The following ZMYM1 variants were observed in gnomAD, a reference collection of about 807,000 sequenced individuals.
ZMYM1 encodes the protein zinc finger MYM-type protein 1.
A neutral mutation model predicts 60.0 loss-of-function variants in ZMYM1; 39 were observed. The ratio of observed to expected loss-of-function variants is 0.65; its 90% CI spans 0.50 to 0.85. The LOEUF (loss-of-function observed/expected upper bound fraction) is 0.85. Ranked by LOEUF, ZMYM1 falls within the 40% of genes least tolerant of loss-of-function variation. The pLI, the probability that ZMYM1 is intolerant of heterozygous loss-of-function variation, is 0.00. For synonymous variants in ZMYM1, 413 were observed against 454.0 expected (o/e 0.91, Z 1.15); for missense variants, 1,171 against 1,309.5 (o/e 0.89, Z 1.63).
intron 1 of ZMYM1, among the ~76,000 whole-genome samples, chr1:35,063,869 G>A (rs1641919894): frequency 6.6e-6 from 1 of 152,164 alleles, no homozygotes. Flanking sequence ...CTTCCACTGT[G>A]AGAGGTGGCA....
At chr1:35,078,601 T>G (rs188798417), upstream of ZMYM1, among the ~76,000 whole-genome samples, 1 of 140,226 alleles carries the variant, frequency 7.1e-6, no homozygotes, top group Admixed American at 8.1e-5. Flanking sequence ...CAGGCTGAAG[T>G]GCAGTGGTAC....
intron 4 of ZMYM1, chr1:35,097,768 C>A: frequency 3.5e-6 from 2 of 577,048 alleles, no homozygotes; most frequent in Non-Finnish European, 6.0e-6. Flanking sequence ...CCTCAGCCTC[C>A]CAAGTAGCTG....
At chr1:35,097,113 C>T (rs1032639305) in intron 3 of ZMYM1, among the ~76,000 whole-genome samples, 1 of 152,012 alleles carries the variant, frequency 6.6e-6, no homozygotes, top group Non-Finnish European at 1.5e-5. Flanking sequence ...CGTGAGCCAC[C>T]GCACCAGGTG....
In ZMYM1 at chr1:35,068,610, T is replaced by C. The variant is rs564761907; in HGVS notation, c.-301+8685T>C. The stretch of plus-strand genomic sequence containing the variant: ...AAGAGACAGCAGACTTTTCAACATA[T>C]GGTGTTGGAACAACTGGAAATCCAT... On this transcript the variant is annotated intron_variant, in intron 1 of 10. Transcript: ENST00000417119. 2.7e-3 allele frequency among the ~76,000 whole-genome samples: 404 copies of C among 148,882 alleles called. 2 individuals are homozygous for C. The highest frequency in any genetic ancestry group is 9.5e-3 in the African/African-American group (386 of 40,490).
chr1:35,109,392 G>A (rs191366945), intron 6 of ZMYM1, among the ~76,000 whole-genome samples: 14 of 152,236 alleles, frequency 9.2e-5, no homozygotes, highest in Non-Finnish European at 1.8e-4. Context: ...TAGGTGGTGA[G>A]CATAATCTTT....
chr1:35,073,427 T>C (rs1358360297), intron 1 of ZMYM1, among the ~76,000 whole-genome samples: 1 of 142,390 alleles, frequency 7.0e-6, no homozygotes, highest in East Asian at 2.2e-4. Context: ...GCCAGGTATG[T>C]TGACACATGC....
At position 35,104,439 on chromosome 1, in the gene ZMYM1, C is replaced by G. The variant is rs546538808; in HGVS notation, c.564C>G (p.Thr188=). Residue 188 remains threonine (T), a synonymous_variant, in exon 5 of 10, where the codon ACC becomes ACG. Transcript: ENST00000359858. ...FVTICTNSIL[T]KCSMCQKTAI... ...CCATATGTACTAATAGCATTTTGACCAAGTGCAGCATGTGCCAGAAGACTG... is the reference window on the plus strand; with the variant it reads ...CCATATGTACTAATAGCATTTTGACGAAGTGCAGCATGTGCCAGAAGACTG... 2 of 1,610,858 alleles carry G rather than the reference C, an allele frequency of 1.2e-6. No individual in the cohort carries two copies. The highest frequency in any genetic ancestry group is 3.4e-5 in the Admixed American group (2 of 59,438).
chr1:35,097,230 T>TA lies in ZMYM1; in HGVS notation c.170-80dup, dbSNP rs921030051. On this transcript the variant is annotated intron_variant, in intron 3 of 9. Coordinates refer to ENST00000359858, the MANE Select transcript of ZMYM1 (RefSeq NM_024772.5). ...GGGCAACAGAACAAGACCCTGTCTCTAAAAAAAGAAAGAAAGAAAATAAAG... is the reference window on the plus strand; with the variant it reads ...GGGCAACAGAACAAGACCCTGTCTCTAAAAAAAAGAAAGAAAGAAAATAAAG... The TA allele has an allele frequency of 5.3e-5, 78 of 1,458,824 alleles. No homozygotes were observed. In the African/African-American group the frequency reaches 8.5e-4, roughly 16 times the overall value. The allele number at this position is 1,458,824 out of a possible 1,614,324, so 90.4% of individuals were successfully genotyped here.
chr1:35,109,273 C>T (rs1644005153), intron 6 of ZMYM1, among the ~76,000 whole-genome samples: 1 of 152,098 alleles, frequency 6.6e-6, no homozygotes, highest in East Asian at 1.9e-4. Context: ...TTCAAGTGAT[C>T]CCCCCGCCTC....
chr1:35,062,759 G>A (rs1009133223), intron 1 of ZMYM1, among the ~76,000 whole-genome samples: 1 of 152,200 alleles, frequency 6.6e-6, no homozygotes, highest in Non-Finnish European at 1.5e-5. Context: ...CTTACAAAAC[G>A]ATGAGAAGCT....
intron 4 of ZMYM1, among the ~76,000 whole-genome samples, chr1:35,100,035 C>T (rs575780767): frequency 6.6e-6 from 1 of 152,120 alleles, no homozygotes; most frequent in Non-Finnish European, 1.5e-5. Flanking sequence ...GGATTACAGG[C>T]GTGTGCCACT....
chr1:35,081,869 T>C (rs1021521245), intron 1 of ZMYM1, among the ~76,000 whole-genome samples: 1 of 152,106 alleles, frequency 6.6e-6, no homozygotes, highest in African/African-American at 2.4e-5. Context: ...CTAATTCTTT[T>C]GTATTTTTAG....
At chr1:35,068,182 A>AC (rs1381946365) in intron 1 of ZMYM1, among the ~76,000 whole-genome samples, 2 of 151,802 alleles carry the variant, frequency 1.3e-5, no homozygotes, top group African/African-American at 4.8e-5. Context: ...ACTTTGAGAG[A>AC]CCAAGATGGG....
chr1:35,110,613 G>T (rs980146706), intron 7 of ZMYM1, among the ~76,000 whole-genome samples, 166 bp downstream of exon 7: 1 of 151,926 alleles, frequency 6.6e-6, no homozygotes, highest in African/African-American at 2.4e-5. Context: ...TGTATAAAAG[G>T]AAGGCTACTT....
intron 2 of ZMYM1, among the ~76,000 whole-genome samples, 159 bp downstream of exon 2, chr1:35,094,242 C>A (rs1427536603): frequency 1.3e-5 from 2 of 152,144 alleles, no homozygotes; most frequent in Non-Finnish European, 1.5e-5. Context: ...AGTGCCACTA[C>A]AAGTATATGT....
intron 4 of ZMYM1, among the ~76,000 whole-genome samples, chr1:35,098,810 A>T (rs1470198086): frequency 6.6e-6 from 1 of 152,086 alleles, no homozygotes; most frequent in Non-Finnish European, 1.5e-5. Flanking sequence ...GGGAGGCTGA[A>T]GCAGGACAAT....
downstream of ZMYM1, among the ~76,000 whole-genome samples, chr1:35,117,387 T>C (rs1570060126): frequency 6.6e-6 from 1 of 152,046 alleles, no homozygotes; most frequent in South Asian, 2.1e-4. Context: ...TGGCGTGATA[T>C]TGGCTCACTG....
At position 35,113,637 on chromosome 1, in the gene ZMYM1, C is replaced by T. The variant is rs757314235; in HGVS notation, c.1807C>T (p.Arg603Ter). The T allele has an allele frequency of 3.7e-6, 6 of 1,612,518 alleles. No homozygotes were observed. Among genetic ancestry groups the T allele is most frequent in the Admixed American group, 1.7e-5 (1 of 59,744 alleles). Residue 603 changes from arginine to a stop codon, truncating the protein, a stop_gained, in exon 10 of 10, where the codon CGA becomes TGA. Transcript: ENST00000359858. LOFTEE classifies it high-confidence loss of function. ...RAKDKGEETF[R>*]LMNSQVDFYN... The stretch of plus-strand genomic sequence containing the variant: ...AAAAGATAAAGGAGAAGAAACATTT[C>T]GACTTATGAATTCACAAGTTGACTT...
intron 7 of ZMYM1, among the ~76,000 whole-genome samples, 157 bp downstream of exon 7, chr1:35,110,604 G>T (rs1644055883): frequency 6.6e-6 from 1 of 152,000 alleles, no homozygotes; most frequent in Non-Finnish European, 1.5e-5. Flanking sequence ...CAGTATTTTT[G>T]TATAAAAGGA....
Sources: allele counts gnomAD v4.1 joint callset (sites outside exome capture counted in the v4.1 genomes callset), GRCh38; gene constraint gnomAD v4.1.1; transcripts MANE v1.5; gene names NCBI Gene and HGNC (gene_info 2026-07-23, HGNC 2026-07-21).